Variants in OPA1 observed in about 807,000 individuals in gnomAD.
The protein encoded by OPA1 is OPA1 mitochondrial dynamin like GTPase.
OPA1 carries 59 observed loss-of-function variants against 152.9 expected under a neutral mutation model. The ratio of observed to expected loss-of-function variants is 0.39; its 90% CI spans 0.31 to 0.48. The LOEUF (loss-of-function observed/expected upper bound fraction) is 0.48, where lower values mean the gene tolerates loss of function less well. Ranked by LOEUF, OPA1 falls within the 20% of genes least tolerant of loss-of-function variation. OPA1 has a pLI of 0.96. For missense variants in OPA1, 1,008 were observed against 1,216.8 expected (o/e 0.83, Z 2.55); for synonymous variants, 400 against 389.9 (o/e 1.03, Z -0.31).
At chr3:193,625,482 A>T (rs182062342) in intron 6 of OPA1, among the ~76,000 whole-genome samples, 71 of 151,792 alleles carry the variant, frequency 4.7e-4, no homozygotes, top group African/African-American at 1.7e-3. Flanking sequence ...TTGATATTAT[A>T]TATGAAATCA....
chr3:193,686,623 C>T (rs1339322455), intron 29 of OPA1, among the ~76,000 whole-genome samples: 2 of 151,682 alleles, frequency 1.3e-5, no homozygotes, highest in Admixed American at 6.6e-5. Flanking sequence ...TTTTTGTTTC[C>T]CCCACACCCT....
chr3:193,674,034 G>A (rs78400086), intron 29 of OPA1, among the ~76,000 whole-genome samples: 11 of 152,140 alleles, frequency 7.2e-5, no homozygotes, highest in South Asian at 4.1e-4. Context: ...TTAGAGAGTC[G>A]GGCTCGCAGC....
chr3:193,679,685 T>C (rs1310663601), intron 29 of OPA1, among the ~76,000 whole-genome samples: 2 of 152,144 alleles, frequency 1.3e-5, no homozygotes, highest in Admixed American at 1.3e-4. Context: ...GTTCATATAA[T>C]TTGGCTTCTT....
At chr3:193,603,889 G>A (rs569023753) in intron 1 of OPA1, among the ~76,000 whole-genome samples, 27 of 152,278 alleles carry the variant, frequency 1.8e-4, no homozygotes, top group South Asian at 1.7e-3. Context: ...CACTCACACC[G>A]TTGTGGTCTT....
At chr3:193,681,949 A>G (rs1720207643) in intron 29 of OPA1, among the ~76,000 whole-genome samples, 1 of 152,212 alleles carries the variant, frequency 6.6e-6, no homozygotes, top group Admixed American at 6.5e-5. Context: ...AATGGCCTCT[A>G]CATGTTCAAG....
intron 29 of OPA1, among the ~76,000 whole-genome samples, chr3:193,679,133 C>T (rs756551616): frequency 1.3e-5 from 2 of 151,868 alleles, no homozygotes; most frequent in Non-Finnish European, 1.5e-5. Flanking sequence ...CCTGTTGGGG[C>T]GTGGGGGGCG....
intron 6 of OPA1, among the ~76,000 whole-genome samples, chr3:193,623,947 T>C (rs1188891183): frequency 1.3e-5 from 2 of 152,198 alleles, no homozygotes; most frequent in Non-Finnish European, 2.9e-5. Context: ...TCTTGTTTTC[T>C]TCCTACTTTT....
At chr3:193,628,578 G>C (rs1382261511) in intron 7 of OPA1, 1 of 152,180 alleles carries the variant, frequency 6.6e-6, no homozygotes, top group Non-Finnish European at 1.5e-5. Flanking sequence ...TTGTAGAAAA[G>C]CTCTGGTTTC....
At chr3:193,668,310 T>G (rs1374476782) in intron 29 of OPA1, 1 of 1,545,806 alleles carries the variant, frequency 6.5e-7, no homozygotes, top group Non-Finnish European at 8.8e-7. Flanking sequence ...CCTTTTCCAT[T>G]GCAGAAATGT....
intron 5 of OPA1, chr3:193,618,578 T>G: frequency 2.6e-6 from 1 of 379,418 alleles, no homozygotes; most frequent in Non-Finnish European, 4.8e-6. Flanking sequence ...TACTCTCATG[T>G]AAAATAATCC....
chr3:193,615,858 C>A, intron 3 of OPA1, 88 bp downstream of exon 3: 1 of 812,452 alleles, frequency 1.2e-6, no homozygotes, highest in Non-Finnish European at 2.2e-6. Flanking sequence ...ACTTATGAAC[C>A]TAATATATCA....
chr3:193,662,409 G>C (rs1342811814), intron 25 of OPA1, among the ~76,000 whole-genome samples: 1 of 152,188 alleles, frequency 6.6e-6, no homozygotes, highest in East Asian at 1.9e-4. Context: ...CTTAAGTATA[G>C]TTCTTAGATA....
chr3:193,672,224 A>AG (rs1472562143), intron 29 of OPA1, among the ~76,000 whole-genome samples: 1 of 152,200 alleles, frequency 6.6e-6, no homozygotes, highest in East Asian at 1.9e-4. Context: ...ATTATGATCT[A>AG]TTTTATAATT....
At chr3:193,652,406 A>AG (rs1329911098) in intron 21 of OPA1, among the ~76,000 whole-genome samples, 1 of 151,962 alleles carries the variant, frequency 6.6e-6, no homozygotes, top group Non-Finnish European at 1.5e-5. Context: ...AAAAAAAAAA[A>AG]CCATAGAATA....
intron 21 of OPA1, among the ~76,000 whole-genome samples, chr3:193,651,908 TA>T (rs35437625): frequency 0.52 from 78,518 of 151,598 alleles, 20,990 homozygotes; most frequent in African/African-American, 0.64. Context: ...TACTTTAAAA[TA>T]AAAAAAAATC....
chr3:193,642,979 C>T lies in OPA1; in HGVS notation c.1235C>T (p.Ala412Val). 6.2e-7 allele frequency: 1 copy of T among 1,612,976 alleles called. No homozygotes were observed. Among genetic ancestry groups the T allele is most frequent in the Non-Finnish European group, 8.5e-7 (1 of 1,179,084 alleles). The change falls in exon 13 of 31, where the codon GCA becomes GTA. Residue 412 changes from alanine (A) to valine (V), a missense_variant. Ala to Val is a moderately conservative substitution (Grantham distance 64, BLOSUM62 0). Transcript: ENST00000361510. ...GGATTTTGTGTTTTCCATTAGCTTGCAGCATTAAGACATGAAATAGAACTT... is the reference window on the plus strand; with the variant it reads ...GGATTTTGTGTTTTCCATTAGCTTGTAGCATTAAGACATGAAATAGAACTT... ...EFDLTKEEDL[A>V]ALRHEIELRM...
Position 193,593,248 on chromosome 3 carries a change from G to T in OPA1, c.-130G>T. 1.2e-6 allele frequency: 1 copy of T among 855,214 alleles called. No homozygotes were observed. The highest frequency in any genetic ancestry group is 1.7e-6 in the Non-Finnish European group (1 of 580,716). 53.0% of individuals were successfully genotyped at this position (855,214 alleles called of 1,614,324 possible). A position where few individuals can be genotyped will look rare whatever the true frequency, so the allele number is the denominator to read the frequency against. The stretch of plus-strand genomic sequence containing the variant: ...TCCATGCGCCATTGGGAGGGCCTCG[G>T]CCGCGGCTCTGTGCCCTTGCTGCTG... On this transcript the variant is annotated 5_prime_UTR_variant, in exon 1 of 31. Coordinates refer to ENST00000361510, the MANE Select transcript of OPA1 (RefSeq NM_130837.3).
chr3:193,682,382 G>A (rs569503591), intron 29 of OPA1, among the ~76,000 whole-genome samples: 2 of 152,326 alleles, frequency 1.3e-5, no homozygotes, highest in East Asian at 3.9e-4. Flanking sequence ...AGCAGCTGCA[G>A]CAAGTTATCA....
intron 7 of OPA1, among the ~76,000 whole-genome samples, chr3:193,630,168 C>G (rs1404550634): frequency 6.6e-6 from 1 of 152,134 alleles, no homozygotes; most frequent in Non-Finnish European, 1.5e-5. Flanking sequence ...ACTTGCTTGT[C>G]TCCTCACAGT....
Sources: gnomAD v4.1 joint callset for allele counts (sites outside exome capture counted in the v4.1 genomes callset) on GRCh38, gnomAD v4.1.1 for gene constraint, MANE v1.5 for transcripts, NCBI Gene and HGNC (gene_info 2026-07-23, HGNC 2026-07-21) for gene names.